IPMK: variants seen among roughly 807,000 people sequenced by gnomAD.
IPMK encodes the protein inositol 1,3,4,6-tetrakisphosphate 5-kinase.
Under a neutral mutation model 45.8 loss-of-function variants are expected in IPMK, and 17 were observed. The ratio of observed to expected loss-of-function variants is 0.37; its 90% CI spans 0.25 to 0.56. IPMK has a LOEUF of 0.56. Ranked by LOEUF, IPMK falls within the 20% of genes least tolerant of loss-of-function variation. The pLI is 0.79. For synonymous variants in IPMK, 180 were observed against 184.3 expected (o/e 0.98, Z 0.19); for missense variants, 399 against 498.0 (o/e 0.80, Z 1.89).
intron 1 of IPMK, among the ~76,000 whole-genome samples, chr10:58,242,550 T>C (rs970119043): frequency 8.7e-5 from 13 of 149,182 alleles, no homozygotes; most frequent in Admixed American, 7.3e-4. Flanking sequence ...AGAAATAAAA[T>C]ACATGGTATA....
At chr10:58,235,301 C>T (rs1172494098) in intron 2 of IPMK, among the ~76,000 whole-genome samples, 1 of 152,188 alleles carries the variant, frequency 6.6e-6, no homozygotes, top group African/African-American at 2.4e-5. Context: ...TTTGACCCAG[C>T]AATCCCATTA....
intron 1 of IPMK, among the ~76,000 whole-genome samples, chr10:58,244,433 C>T (rs1163361651): frequency 7.4e-6 from 1 of 134,702 alleles, no homozygotes; most frequent in Non-Finnish European, 1.6e-5. Context: ...CCAGCCACCC[C>T]GTCTGGGAGG....
chr10:58,204,057 T>C (rs903839950), intron 4 of IPMK, among the ~76,000 whole-genome samples: 20 of 129,052 alleles, frequency 1.5e-4, no homozygotes, highest in Non-Finnish European at 2.3e-4. Context: ...GTATACACAC[T>C]GTTTTTTAAA....
Position 58,196,624 on chromosome 10 carries a change from TC to T in IPMK, c.702del (p.Ile236PhefsTer33). On this transcript the variant is annotated frameshift_variant, in exon 6 of 6. Transcript: ENST00000373935. LOFTEE classifies it high-confidence loss of function. Reference sequence around the variant, plus strand: ...TGGTTTTCAAACCACTGCAGAATTTTCTCAATCTTCTGAATACTGGCAGCAA... The same window carrying T: ...TGGTTTTCAAACCACTGCAGAATTTTTCAATCTTCTGAATACTGGCAGCAA... ...DAVAASIQKIEKILQWFENQK... is the reference protein window; with the variant it reads ...DAVAASIQKIXKILQWFENQK... 6.2e-7 allele frequency: 1 copy of T among 1,613,978 alleles called. No homozygotes were observed. The highest frequency in any genetic ancestry group is 8.5e-7 in the Non-Finnish European group (1 of 1,179,908).
intron 1 of IPMK, among the ~76,000 whole-genome samples, chr10:58,262,186 A>T (rs1162822187): frequency 6.6e-6 from 1 of 152,200 alleles, no homozygotes; most frequent in Admixed American, 6.5e-5. Flanking sequence ...CTGCACATGT[A>T]TACATATGTA....
At chr10:58,253,170 A>C (rs1838910488) in intron 1 of IPMK, among the ~76,000 whole-genome samples, 1 of 152,178 alleles carries the variant, frequency 6.6e-6, no homozygotes, top group South Asian at 2.1e-4. Context: ...GTTCCACTGC[A>C]CAAGCTGTCT....
At chr10:58,205,989 C>T (rs1440449951) in intron 4 of IPMK, among the ~76,000 whole-genome samples, 1 of 152,168 alleles carries the variant, frequency 6.6e-6, no homozygotes, top group Non-Finnish European at 1.5e-5. Flanking sequence ...TATACCTACA[C>T]AGAAACTTCT....
intron 4 of IPMK, among the ~76,000 whole-genome samples, chr10:58,206,188 C>T (rs186349651): frequency 6.6e-6 from 1 of 151,170 alleles, no homozygotes; most frequent in African/African-American, 2.5e-5. Flanking sequence ...ATCAAAGAAG[C>T]CAGTCACAAA....
intron 1 of IPMK, among the ~76,000 whole-genome samples, chr10:58,241,955 A>G (rs1838701726): frequency 6.6e-6 from 1 of 151,794 alleles, no homozygotes; most frequent in Admixed American, 6.6e-5. Flanking sequence ...GATTGGTTCA[A>G]ATCACCAACA....
chr10:58,210,076 CAG>C (rs1056748201), intron 4 of IPMK, among the ~76,000 whole-genome samples: 1 of 151,866 alleles, frequency 6.6e-6, no homozygotes, highest in Non-Finnish European at 1.5e-5. Context: ...GGTCTGAGCT[CAG>C]ACTCTCCTTG....
chr10:58,252,617 T>C (rs1838900815), intron 1 of IPMK, among the ~76,000 whole-genome samples: 2 of 147,874 alleles, frequency 1.4e-5, no homozygotes, highest in African/African-American at 5.0e-5. Flanking sequence ...TTTTCTTTTT[T>C]TTTTTTTTTT....
At chr10:58,198,172 C>T (rs1055684749) in intron 5 of IPMK, among the ~76,000 whole-genome samples, 3 of 152,196 alleles carry the variant, frequency 2.0e-5, no homozygotes, top group Admixed American at 2.0e-4. Context: ...CATAACTCTA[C>T]TAATTTTCAT....
intron 4 of IPMK, 77 bp downstream of exon 4, chr10:58,216,068 C>T: frequency 1.1e-6 from 1 of 919,910 alleles, no homozygotes. Flanking sequence ...TATATTAGTA[C>T]TACAATGACA....
intron 1 of IPMK, among the ~76,000 whole-genome samples, chr10:58,245,585 C>T (rs899310270): frequency 1.6e-4 from 24 of 146,568 alleles, no homozygotes; most frequent in African/African-American, 6.3e-4. Context: ...GCACTCCAGC[C>T]TGGGTGACAG....
At chr10:58,240,375 GA>G (rs138914462) in intron 1 of IPMK, among the ~76,000 whole-genome samples, 50,759 of 148,092 alleles carry the variant, frequency 0.34, 10,711 homozygotes, top group African/African-American at 0.61. Flanking sequence ...TATCTAAAAA[GA>G]AAAAAAAAAT....
chr10:58,206,514 C>T (rs995456043), intron 4 of IPMK, among the ~76,000 whole-genome samples: 14 of 152,192 alleles, frequency 9.2e-5, no homozygotes, highest in African/African-American at 3.1e-4. Flanking sequence ...AATAAACCTC[C>T]ATTTATGTCT....
chr10:58,240,265 A>G (rs1324929635), intron 1 of IPMK, among the ~76,000 whole-genome samples: 1 of 152,170 alleles, frequency 6.6e-6, no homozygotes, highest in Non-Finnish European at 1.5e-5. Flanking sequence ...AATTTAATTA[A>G]TGGGATTTAA....
At chr10:58,230,253 T>C (rs983711600) in intron 2 of IPMK, among the ~76,000 whole-genome samples, 1 of 152,232 alleles carries the variant, frequency 6.6e-6, no homozygotes, top group Non-Finnish European at 1.5e-5. Flanking sequence ...AACAGACAAC[T>C]TCTGCAGACT....
At chr10:58,257,265 C>T (rs1405368403) in intron 1 of IPMK, among the ~76,000 whole-genome samples, 2 of 152,084 alleles carry the variant, frequency 1.3e-5, no homozygotes, top group East Asian at 1.9e-4. Context: ...GACTCCAAGG[C>T]GGGTTGATCG....
Sources: gnomAD v4.1 joint callset for allele counts (sites outside exome capture counted in the v4.1 genomes callset) on GRCh38, gnomAD v4.1.1 for gene constraint, MANE v1.5 for transcripts, NCBI Gene and HGNC (gene_info 2026-07-23, HGNC 2026-07-21) for gene names.